The following LAMA5 variants were observed in gnomAD, a reference collection of about 807,000 sequenced individuals.
LAMA5 encodes the protein laminin subunit alpha 5, also known as laminin subunit alpha-5.
LAMA5 carries 260 observed loss-of-function variants against 433.4 expected under a neutral mutation model. The observed-to-expected ratio is 0.60, with a 90% CI of 0.54 to 0.66. LAMA5 has a LOEUF of 0.66. Ranked by LOEUF, LAMA5 falls within the 30% of genes least tolerant of loss-of-function variation. LAMA5 has a pLI of 0.00. For synonymous variants in LAMA5, 2,620 were observed against 2,226.6 expected (o/e 1.18, Z -4.97); for missense variants, 5,378 against 5,258.5 (o/e 1.02, Z -0.70).
intron 20 of LAMA5, 21 bp downstream of exon 20, chr20:62,335,000 G>C: frequency 6.2e-7 from 1 of 1,604,396 alleles, no homozygotes; most frequent in Non-Finnish European, 8.5e-7. Context: ...TGTGGTCTGG[G>C]ACGAGCGAGT....
intron 55 of LAMA5, 21 bp downstream of exon 55, chr20:62,317,324 C>T: frequency 5.0e-6 from 8 of 1,592,196 alleles, no homozygotes; most frequent in Non-Finnish European, 6.8e-6. Context: ...GCCCAGGGCC[C>T]CTCCTCTCCT....
chr20:62,310,244 T>A lies in LAMA5; in HGVS notation c.10668A>T (p.Gly3556=), dbSNP rs758959121. The A allele has an allele frequency of 1.4e-5, 22 of 1,612,294 alleles. No individual in the cohort carries two copies. The highest frequency in any genetic ancestry group is 1.7e-5 in the Non-Finnish European group (20 of 1,179,866). ...ELEVRPLAVT[G]LIFHLGQART... ...GGGCCTGGCCCAAGTGGAAGATCAG[T>A]CCGGTGACTGCCAGGGGCCGCACCT... The change falls in exon 77 of 80, where the codon GGA becomes GGT. Residue 3556 remains glycine (G), a synonymous_variant. Coordinates refer to ENST00000252999, the MANE Select transcript of LAMA5 (RefSeq NM_005560.6).
Position 62,324,676 on chromosome 20 carries a change from A to C in LAMA5, c.5530-122T>G, listed in dbSNP as rs2146140581. ...ACGAGGCACTGGGAACCCGTGGAGCATGGTCACCGCTGGGTCAGAGGCTGG... is the reference window on the plus strand; with the variant it reads ...ACGAGGCACTGGGAACCCGTGGAGCCTGGTCACCGCTGGGTCAGAGGCTGG... On this transcript the variant is annotated intron_variant, in intron 41 of 79. Transcript: ENST00000252999. The surrounding 1 kb of genome is among the most constrained non-coding windows in gnomAD (Gnocchi z 4.4). The C allele has an allele frequency of 1.5e-6, 1 of 685,250 alleles. No homozygotes were observed. The highest frequency in any genetic ancestry group is 2.6e-6 in the Non-Finnish European group (1 of 378,732). 42.4% of individuals were successfully genotyped at this position (685,250 alleles called of 1,614,324 possible). A position where few individuals can be genotyped will look rare whatever the true frequency, so the allele number is the denominator to read the frequency against.
At position 62,338,111 on chromosome 20, in the gene LAMA5, C is replaced by T; in HGVS notation, c.1796G>A (p.Cys599Tyr). The T allele has an allele frequency of 6.3e-7, 1 of 1,598,600 alleles. No individual in the cohort carries two copies. Among genetic ancestry groups the T allele is most frequent in the Non-Finnish European group, 8.5e-7 (1 of 1,171,900 alleles). Residue 599 changes from cysteine (C) to tyrosine (Y), a missense_variant, in exon 14 of 80, where the codon TGC becomes TAC. Coordinates refer to ENST00000252999, the MANE Select transcript of LAMA5 (RefSeq NM_005560.6). ...CSPAGTLPEG[C>Y]DEAGRCLCQP... ...GCATAGGCAGCGGCCGGCCTCATCG[C>T]AGCCCTCGGGCAAGGTTCCTGCAGG...
At chr20:62,349,587 G>A (rs60172759) in intron 6 of LAMA5, among the ~76,000 whole-genome samples, 13,451 of 124,554 alleles carry the variant, frequency 0.11, 1,105 homozygotes, top group African/African-American at 0.22. Flanking sequence ...CGGATAGACT[G>A]TCATGGAATA....
Position 62,309,455 on chromosome 20 carries a change from A to T in LAMA5, c.10969T>A (p.Trp3657Arg). ...GLPEPMAVQP[W>R]PPAYCGCMRR... ...ATGCAGCCGCAGTAGGCGGGGGGCC[A>T]GGGCTGCACGGCCATGGGCTCTGGG... is the stretch of plus-strand genomic sequence containing the variant. Residue 3657 changes from tryptophan (W) to arginine (R), a missense_variant, in exon 80 of 80, where the codon TGG becomes AGG. Transcript: ENST00000252999. 1.3e-6 allele frequency: 2 copies of T among 1,579,802 alleles called. No homozygotes were observed. The highest frequency in any genetic ancestry group is 1.7e-6 in the Non-Finnish European group (2 of 1,172,174).
intron 11 of LAMA5, among the ~76,000 whole-genome samples, chr20:62,340,764 G>C (rs1267285441): frequency 2.6e-5 from 4 of 151,944 alleles, no homozygotes; most frequent in Non-Finnish European, 5.9e-5. Context: ...GCCAGGCGCA[G>C]TGGCTCATGC....
At position 62,327,358 on chromosome 20, in the gene LAMA5, C is replaced by A. The variant is rs554078131; in HGVS notation, c.4987G>T (p.Val1663Leu). 1.2e-6 allele frequency: 2 copies of A among 1,600,442 alleles called. No individual in the cohort carries two copies. Among genetic ancestry groups the A allele is most frequent in the East Asian group, 4.5e-5 (2 of 44,794 alleles). Reference sequence around the variant, plus strand: ...GTCCCTGGCTGCCGCTCGTGGGGCACCACCTGCCGGTCAGTGCTCAGCAGC... The same window carrying A: ...GTCCCTGGCTGCCGCTCGTGGGGCAACACCTGCCGGTCAGTGCTCAGCAGC... ...WVLLSTDRQV[V>L]PHERQPGTEM... Residue 1663 changes from valine to leucine, a missense_variant, in exon 38 of 80, where the codon GTG (valine) becomes TTG (leucine). Transcript: ENST00000252999.
At chr20:62,317,841 G>A in intron 53 of LAMA5, 63 bp from the exon 54 acceptor site, 1 of 816,702 alleles carries the variant, frequency 1.2e-6, no homozygotes, top group Non-Finnish European at 1.8e-6. Flanking sequence ...GGATGTGATG[G>A]GGTGGACAGC....
chr20:62,362,353 C>A, intron 2 of LAMA5, 47 bp downstream of exon 2: 1 of 1,418,300 alleles, frequency 7.1e-7, no homozygotes, highest in South Asian at 1.6e-5. Context: ...GCCCGACGGG[C>A]ACAGACACAG....
At chr20:62,321,220 A>G (rs1309631102) in intron 48 of LAMA5, among the ~76,000 whole-genome samples, 1 of 7,066 alleles carries the variant, frequency 1.4e-4, no homozygotes, top group Non-Finnish European at 2.6e-4. Flanking sequence ...AGAGGGGGCC[A>G]GTGGAGGAGG....
chr20:62,343,798 C>T (rs1239291619), intron 11 of LAMA5, among the ~76,000 whole-genome samples: 5 of 41,578 alleles, frequency 1.2e-4, no homozygotes, highest in Admixed American at 6.3e-4. Context: ...AGAAAGCACT[C>T]GAAAAGTCAA....
rs114717889 is a variant in LAMA5, at chr20:62,315,187, C to A, written c.7888G>T (p.Ala2630Ser). Residue 2630 changes from alanine (A) to serine (S), a missense_variant, in exon 59 of 80, where the codon GCA (alanine) becomes TCA (serine). Coordinates refer to ENST00000252999, the MANE Select transcript of LAMA5 (RefSeq NM_005560.6). Reference protein sequence around the residue: ...MDTDETSKKIAHAKAVAAEAQ... With the variant: ...MDTDETSKKISHAKAVAAEAQ... The stretch of plus-strand genomic sequence containing the variant: ...TCAGCAGCCACAGCCTTGGCATGTG[C>A]GATCTTCTTGCTTGTCTCGTCTGTG... The A allele has an allele frequency of 3.7e-6, 6 of 1,608,892 alleles. No homozygotes were observed. The East Asian group carries it at 1.1e-4, about 30-fold the overall frequency.
chr20:62,310,656 G>T lies in LAMA5; in HGVS notation c.10446+9C>A. 6.2e-7 allele frequency: 1 copy of T among 1,601,086 alleles called. No homozygotes were observed. ...TGGGGAGTGGGGGCTGGGGCAAGAT[G>T]GTTCTCACCGGAAGTTTGGAGCTGT... On this transcript the variant is annotated intron_variant, in intron 75 of 79. Transcript: ENST00000252999.
chr20:62,320,967 C>G, intron 48 of LAMA5, 77 bp from the exon 49 acceptor site: 3 of 1,495,276 alleles, frequency 2.0e-6, no homozygotes, highest in Non-Finnish European at 2.7e-6. Context: ...GCCCTGGGGT[C>G]ATTAGGGTGG....
intron 38 of LAMA5, 95 bp from the exon 39 acceptor site, chr20:62,327,061 T>C: frequency 8.8e-7 from 1 of 1,139,460 alleles, no homozygotes; most frequent in Non-Finnish European, 1.3e-6. Context: ...CACAGAGCCC[T>C]GTGCTGGGCC....
In LAMA5 at chr20:62,351,821, G is replaced by A; in HGVS notation, c.859-20C>T. 1 of 1,593,800 alleles carries A rather than the reference G, an allele frequency of 6.3e-7. No homozygotes were observed. Among genetic ancestry groups the A allele is most frequent in the Admixed American group, 1.8e-5 (1 of 56,208 alleles). On this transcript the variant is annotated intron_variant, in intron 5 of 79. Transcript: ENST00000252999. The stretch of plus-strand genomic sequence containing the variant: ...ATAATACTGCACCCGCAGGCCCCGT[G>A]AGCACCAGGCGGCCAGGCCTCACTC...
intron 58 of LAMA5, among the ~76,000 whole-genome samples, 194 bp downstream of exon 58, chr20:62,315,754 G>A (rs1986870802): frequency 6.6e-6 from 1 of 152,148 alleles, no homozygotes; most frequent in South Asian, 2.1e-4. Flanking sequence ...CCAGGCTCCC[G>A]ACGGCTGGGG....
Position 62,338,389 on chromosome 20 carries a change from A to G in LAMA5, c.1619-20T>C. 6.2e-7 allele frequency: 1 copy of G among 1,606,648 alleles called. No individual in the cohort carries two copies. The highest frequency in any genetic ancestry group is 1.7e-4 in the Middle Eastern group (1 of 6,044). On this transcript the variant is annotated intron_variant, in intron 12 of 79. Transcript: ENST00000252999. ...GGCAGGCTGCAGGAAAGGGTGGCCCACATGCTTGGTCAGAGGCACCAGGCC... is the reference window on the plus strand; with the variant it reads ...GGCAGGCTGCAGGAAAGGGTGGCCCGCATGCTTGGTCAGAGGCACCAGGCC...
Sources: gnomAD v4.1 joint callset for allele counts (sites outside exome capture counted in the v4.1 genomes callset) on GRCh38, gnomAD v4.1.1 for gene constraint, Gnocchi (gnomAD v3.1) non-coding constraint, MANE v1.5 for transcripts, NCBI Gene and HGNC (gene_info 2026-07-23, HGNC 2026-07-21) for gene names.